The following CLEC16A variants were observed in gnomAD, a reference collection of about 807,000 sequenced individuals.
The protein encoded by CLEC16A is C-type lectin domain containing 16A.
CLEC16A carries 51 observed loss-of-function variants against 109.5 expected under a neutral mutation model. That is an observed-to-expected ratio of 0.47 (90% confidence interval 0.37 to 0.59). The LOEUF (loss-of-function observed/expected upper bound fraction) is 0.59, where lower values mean the gene tolerates loss of function less well. Among genes scored for constraint, CLEC16A ranks in the 20% least tolerant of loss-of-function variants. The pLI, the probability that CLEC16A is intolerant of heterozygous loss-of-function variation, is 0.00. For synonymous variants in CLEC16A, 673 were observed against 564.2 expected, an observed-to-expected ratio of 1.19 and a Z score of -2.73; for missense variants, 1,339 against 1,394.0, an observed-to-expected ratio of 0.96 and a Z score of 0.63.
At chr16:10,957,124 A>G (rs375026260) in intron 1 of CLEC16A, among the ~76,000 whole-genome samples, 1 of 152,152 alleles carries the variant, frequency 6.6e-6, no homozygotes, top group African/African-American at 2.4e-5. Flanking sequence ...GAATTTAACA[A>G]TCTGTTCTCA....
At chr16:10,981,425 G>T (rs1324876719) in intron 9 of CLEC16A, among the ~76,000 whole-genome samples, 1 of 152,190 alleles carries the variant, frequency 6.6e-6, no homozygotes, top group Non-Finnish European at 1.5e-5. Flanking sequence ...GATAGAAAAG[G>T]TTCCCAGTAT....
rs1237792056 is a variant in CLEC16A, at chr16:11,047,297, A to G, written c.1821A>G (p.Glu607=). The G allele has an allele frequency of 1.2e-6, 2 of 1,609,808 alleles. No individual in the cohort carries two copies. The highest frequency in any genetic ancestry group is 2.7e-5 in the African/African-American group (2 of 74,734). The stretch of plus-strand genomic sequence containing the variant: ...CTCCCTTCCTTTCTTTTTAGGGAGA[A>G]GACATTTTTTTGGACATGTTTGAAG... ...VHLVRHFYKG[E]DIFLDMFEDE... The change falls in exon 17 of 24, where the codon GAA becomes GAG. Residue 607 remains glutamate (E), a synonymous_variant. Coordinates refer to ENST00000409790, the MANE Select transcript of CLEC16A (RefSeq NM_015226.3).
intron 7 of CLEC16A, among the ~76,000 whole-genome samples, chr16:10,973,831 A>G (rs1293409999): frequency 6.8e-6 from 1 of 147,812 alleles, no homozygotes; most frequent in East Asian, 2.0e-4. Context: ...TCGGCCTCCC[A>G]AAGTGCTAGG....
intron 20 of CLEC16A, among the ~76,000 whole-genome samples, chr16:11,122,111 TG>T (rs5815615): frequency 0.96 from 146,673 of 152,162 alleles, 70,719 homozygotes; most frequent in East Asian, 1. Context: ...GGAAGGGCCT[TG>T]GCTCAGGCCG....
chr16:11,130,087 A>C (rs1235341651), intron 22 of CLEC16A, among the ~76,000 whole-genome samples: 1 of 152,128 alleles, frequency 6.6e-6, no homozygotes, highest in African/African-American at 2.4e-5. Context: ...TATCCACAGC[A>C]CTGAGGTTCC....
At chr16:11,061,099 C>G in intron 19 of CLEC16A, 77 bp downstream of exon 19, 1 of 1,440,474 alleles carries the variant, frequency 6.9e-7, no homozygotes, top group Non-Finnish European at 9.2e-7. Flanking sequence ...GATTCACACG[C>G]CACTGGGAGG....
chr16:10,954,093 C>T lies in CLEC16A; in HGVS notation c.81-3689C>T, dbSNP rs1389485106. Reference sequence around the variant, plus strand: ...TTTCACTACTGGAAGAAAGCCCCCACGCAATATCACTGCATACCCAGCAGA... The same window carrying T: ...TTTCACTACTGGAAGAAAGCCCCCATGCAATATCACTGCATACCCAGCAGA... On this transcript the variant is annotated intron_variant, in intron 1 of 23. Coordinates refer to ENST00000409790, the MANE Select transcript of CLEC16A (RefSeq NM_015226.3). This position sits in a 1 kb window ranked among gnomAD's most constrained non-coding sequence, Gnocchi z 4.2. Among the ~76,000 whole-genome samples the T allele has an allele frequency of 6.6e-6, 1 of 152,208 alleles. No homozygotes were observed. The highest frequency in any genetic ancestry group is 1.5e-5 in the Non-Finnish European group (1 of 68,032).
chr16:11,003,460 C>T (rs2044793886), intron 11 of CLEC16A, among the ~76,000 whole-genome samples, 155 bp downstream of exon 11: 1 of 152,192 alleles, frequency 6.6e-6, no homozygotes, highest in African/African-American at 2.4e-5. Flanking sequence ...TCATTCTATA[C>T]AGCCCTGCCA....
intron 19 of CLEC16A, among the ~76,000 whole-genome samples, chr16:11,117,445 C>T (rs2052080222): frequency 6.6e-6 from 1 of 152,062 alleles, no homozygotes; most frequent in Non-Finnish European, 1.5e-5. Flanking sequence ...TTTTTTAAAA[C>T]ATACAAAACT....
At chr16:10,972,643 T>G in intron 6 of CLEC16A, 84 bp downstream of exon 6, 1 of 1,284,244 alleles carries the variant, frequency 7.8e-7, no homozygotes, top group Non-Finnish European at 1.1e-6. Context: ...TAATTCTCAG[T>G]GTAGTCTAGC....
chr16:11,113,581 C>G (rs2051750654), intron 19 of CLEC16A, among the ~76,000 whole-genome samples: 1 of 152,086 alleles, frequency 6.6e-6, no homozygotes, highest in Non-Finnish European at 1.5e-5. Flanking sequence ...ATCACTCGAG[C>G]CTGTGAGGCC....
intron 10 of CLEC16A, among the ~76,000 whole-genome samples, chr16:10,986,175 C>T (rs943358439): frequency 6.6e-6 from 1 of 151,574 alleles, no homozygotes. Flanking sequence ...GGACTACAGG[C>T]GCCTGCCCCC....
chr16:11,092,661 C>G (rs939634571), intron 19 of CLEC16A, among the ~76,000 whole-genome samples: 8 of 152,204 alleles, frequency 5.3e-5, no homozygotes, highest in Admixed American at 1.3e-4. Context: ...GTTCCTGTCC[C>G]CAAAACTTTT....
At chr16:11,060,810 A>C in intron 18 of CLEC16A, 92 bp from the exon 19 acceptor site, 2 of 1,275,614 alleles carry the variant, frequency 1.6e-6, no homozygotes, top group Non-Finnish European at 2.1e-6. Flanking sequence ...CTTTTTTAAT[A>C]GAGAGTCATG....
intron 11 of CLEC16A, among the ~76,000 whole-genome samples, chr16:11,009,070 T>C (rs2045234450): frequency 6.6e-6 from 1 of 152,206 alleles, no homozygotes. Flanking sequence ...CTTTTCATTT[T>C]TCATCTTGTA....
Position 10,977,361 on chromosome 16 carries a change from C to A in CLEC16A, c.865C>A (p.Leu289Met). The stretch of plus-strand genomic sequence containing the variant: ...TGACCACCTGCTCAACAGGCTCTTC[C>A]TGCCCCTCTACGTGTACTCACTGGA... Reference protein sequence around the residue: ...LTDHLLNRLFLPLYVYSLENQ... With the variant: ...LTDHLLNRLFMPLYVYSLENQ... The change falls in exon 8 of 24, where the codon CTG (leucine) becomes ATG (methionine). Residue 289 changes from leucine to methionine, a missense_variant. Coordinates refer to ENST00000409790, the MANE Select transcript of CLEC16A (RefSeq NM_015226.3). The A allele has an allele frequency of 2.5e-6, 4 of 1,613,962 alleles. No individual in the cohort carries two copies. The highest frequency in any genetic ancestry group is 3.4e-6 in the Non-Finnish European group (4 of 1,179,870).
chr16:11,115,086 C>A (rs1403318972), intron 19 of CLEC16A, among the ~76,000 whole-genome samples: 1 of 152,196 alleles, frequency 6.6e-6, no homozygotes. Context: ...TGAAGCCCCT[C>A]AGGCAGCCAG....
At chr16:11,162,599 C>G (rs1381526732) in intron 22 of CLEC16A, among the ~76,000 whole-genome samples, 1 of 152,214 alleles carries the variant, frequency 6.6e-6, no homozygotes, top group Non-Finnish European at 1.5e-5. Context: ...AAAGAGAGCA[C>G]AAATTTTTTG....
At chr16:11,109,539 C>T (rs2051440935) in intron 19 of CLEC16A, among the ~76,000 whole-genome samples, 2 of 152,166 alleles carry the variant, frequency 1.3e-5, no homozygotes. Flanking sequence ...CAGCAATGCT[C>T]AGTGTTTTTT....
Sources: gnomAD v4.1 joint callset for allele counts (sites outside exome capture counted in the v4.1 genomes callset) on GRCh38, gnomAD v4.1.1 for gene constraint, Gnocchi (gnomAD v3.1) non-coding constraint, MANE v1.5 for transcripts, NCBI Gene and HGNC (gene_info 2026-07-23, HGNC 2026-07-21) for gene names.